MBTPS1: variants seen among roughly 807,000 people sequenced by gnomAD.
MBTPS1 encodes the protein membrane bound transcription factor peptidase, site 1.
In MBTPS1, 94 loss-of-function variants were observed where a neutral mutation model predicts 127.8. The ratio of observed to expected loss-of-function variants is 0.74; its 90% confidence interval spans 0.62 to 0.87. MBTPS1 has a LOEUF of 0.87. Among genes scored for constraint, MBTPS1 ranks in the 40% least tolerant of loss-of-function variants. The pLI, the probability that MBTPS1 is intolerant of heterozygous loss-of-function variation, is 0.00. For missense variants in MBTPS1, 1,636 were observed against 1,353.2 expected, an observed-to-expected ratio of 1.21 and a Z score of -3.28; for synonymous variants, 632 against 509.4, an observed-to-expected ratio of 1.24 and a Z score of -3.24.
chr16:84,054,712 G>T, intron 22 of MBTPS1, 67 bp from the exon 23 acceptor site: 1 of 1,272,084 alleles, frequency 7.9e-7, no homozygotes, highest in South Asian at 1.5e-5. Flanking sequence ...CTTTTTCTAT[G>T]ACGGCTGGAT....
intron 8 of MBTPS1, among the ~76,000 whole-genome samples, chr16:84,087,978 T>C (rs1037523229): frequency 1.2e-4 from 19 of 152,148 alleles, no homozygotes; most frequent in Non-Finnish European, 7.3e-5. Flanking sequence ...TGTGGTGGTG[T>C]TCTACCCTCC....
chr16:84,093,043 G>A (rs2086131155), intron 6 of MBTPS1, 145 bp downstream of exon 6: 2 of 656,814 alleles, frequency 3.0e-6, no homozygotes, highest in Non-Finnish European at 5.5e-6. Context: ...CAGAGGAACA[G>A]TAAACTGAGC....
chr16:84,098,939 G>T, intron 3 of MBTPS1, 114 bp downstream of exon 3: 1 of 1,082,844 alleles, frequency 9.2e-7, no homozygotes, highest in Non-Finnish European at 1.3e-6. Context: ...TTCACAATTA[G>T]CAAACTAGAT....
rs1175853629 is a variant in MBTPS1, at chr16:84,070,619, A to T, written c.1751T>A (p.Met584Lys). The change falls in exon 13 of 23, where the codon ATG becomes AAG. Residue 584 changes from methionine to lysine, a missense_variant. Met to Lys is a moderately conservative substitution (Grantham distance 95). Transcript: ENST00000343411. ...CTCTGCTGGGGAAGCCACAGTGATC[A>T]TGACATGGCCCTGAGCAATGCCTTC... Reference protein sequence around the residue: ...SWEGIAQGHVMITVASPAETE... With the variant: ...SWEGIAQGHVKITVASPAETE... 1 of 1,612,876 alleles carries T rather than the reference A, an allele frequency of 6.2e-7. No individual in the cohort carries two copies. The highest frequency in any genetic ancestry group is 1.3e-5 in the African/African-American group (1 of 74,880).
chr16:84,069,192 G>C (rs146491874), intron 14 of MBTPS1, among the ~76,000 whole-genome samples: 33 of 152,342 alleles, frequency 2.2e-4, no homozygotes, highest in African/African-American at 7.7e-4. Flanking sequence ...TCAGCATGGA[G>C]TTCAAACGTA....
chr16:84,106,086 G>C (rs1423909187), intron 1 of MBTPS1, among the ~76,000 whole-genome samples: 1 of 152,134 alleles, frequency 6.6e-6, no homozygotes, highest in Non-Finnish European at 1.5e-5. Context: ...CCTGAGGCCA[G>C]GAATTCGAGA....
In MBTPS1 at chr16:84,095,685, G is replaced by C. The variant is rs372274953; in HGVS notation, c.542C>G (p.Ser181Trp). 69 of 1,614,118 alleles carry C rather than the reference G, an allele frequency of 4.3e-5. No individual in the cohort carries two copies. Among genetic ancestry groups the C allele is most frequent in the Non-Finnish European group, 5.3e-5 (63 of 1,180,050 alleles). Residue 181 changes from serine (S) to tryptophan (W), a missense_variant, in exon 4 of 23, where the codon TCG becomes TGG. Coordinates refer to ENST00000343411, the MANE Select transcript of MBTPS1 (RefSeq NM_003791.4). ...SGFWHATGRHSSRRLLRAIPR... is the reference protein window; with the variant it reads ...SGFWHATGRHWSRRLLRAIPR... ...GATGGCTCTCAGCAGCCGTCTGCTC[G>C]AATGCCTTCCCGTAGCATGCCAGAA...
chr16:84,081,266 G>A (rs1027070772), intron 11 of MBTPS1, among the ~76,000 whole-genome samples: 2 of 152,250 alleles, frequency 1.3e-5, no homozygotes, highest in Admixed American at 6.5e-5. Context: ...AAACAAAGCA[G>A]GGCCCAGGCC....
Position 84,093,188 on chromosome 16 carries a change from C to G in MBTPS1, c.846G>C (p.Gln282His). Residue 282 changes from glutamine (Q) to histidine (H), a missense_variant and splice_region_variant, in exon 6 of 23, where the codon CAG becomes CAC. Transcript: ENST00000343411. ...LHIFRVFTNN[Q>H]VSYTSWFLDA... The stretch of plus-strand genomic sequence containing the variant: ...TTTCAGGAGTCCTCAAAACACCTAC[C>G]TGATTATTGGTAAAGACCCTGAAAA... 6.2e-7 allele frequency: 1 copy of G among 1,602,220 alleles called. No individual in the cohort carries two copies. Among genetic ancestry groups the G allele is most frequent in the Non-Finnish European group, 8.6e-7 (1 of 1,169,160 alleles).
At chr16:84,081,658 G>A in intron 11 of MBTPS1, 89 bp downstream of exon 11, 1 of 1,068,882 alleles carries the variant, frequency 9.4e-7, no homozygotes, top group Middle Eastern at 2.7e-4. Flanking sequence ...ATCATTTTCT[G>A]TTTTGAGGCT....
chr16:84,071,258 C>A (rs576549575), intron 12 of MBTPS1, among the ~76,000 whole-genome samples: 2 of 152,180 alleles, frequency 1.3e-5, no homozygotes, highest in African/African-American at 4.8e-5. Flanking sequence ...GGCTCAGCTG[C>A]GAGATGACCA....
intron 12 of MBTPS1, among the ~76,000 whole-genome samples, 153 bp from the exon 13 acceptor site, chr16:84,070,929 C>T (rs2085761599): frequency 6.6e-6 from 1 of 152,214 alleles, no homozygotes; most frequent in African/African-American, 2.4e-5. Context: ...TACTAAGTAA[C>T]TACAACCAAA....
At chr16:84,086,835 T>C (rs545019658) in intron 9 of MBTPS1, among the ~76,000 whole-genome samples, 11 of 152,354 alleles carry the variant, frequency 7.2e-5, no homozygotes, top group Admixed American at 2.6e-4. Flanking sequence ...GTGAATGTGC[T>C]GCATAATTAA....
chr16:84,109,200 C>A (rs1400137205), intron 1 of MBTPS1, among the ~76,000 whole-genome samples: 2 of 152,190 alleles, frequency 1.3e-5, no homozygotes, highest in Non-Finnish European at 2.9e-5. Context: ...CAGTGTCACT[C>A]AATGAGGAAA....
intron 18 of MBTPS1, among the ~76,000 whole-genome samples, chr16:84,064,080 G>C (rs1315774244): frequency 6.6e-6 from 1 of 152,108 alleles, no homozygotes; most frequent in African/African-American, 2.4e-5. Flanking sequence ...AGTCAAAAAT[G>C]TATAAATGCC....
chr16:84,092,987 G>A (rs532205561), intron 6 of MBTPS1, among the ~76,000 whole-genome samples: 1 of 152,322 alleles, frequency 6.6e-6, no homozygotes, highest in South Asian at 2.1e-4. Flanking sequence ...GTTCAACTTA[G>A]GTCGACACAG....
chr16:84,077,639 A>G (rs2151153571), intron 11 of MBTPS1, among the ~76,000 whole-genome samples: 1 of 152,334 alleles, frequency 6.6e-6, no homozygotes, highest in East Asian at 1.9e-4. Flanking sequence ...AAGCAAACAA[A>G]TATTAGAAGA....
chr16:84,060,833 G>A lies in MBTPS1; in HGVS notation c.2573-20C>T. On this transcript the variant is annotated intron_variant, in intron 19 of 22. Transcript: ENST00000343411. The stretch of plus-strand genomic sequence containing the variant: ...AGCAGTCTGCGAAGTCAACAAGCCT[G>A]TTTAGGAATTCCTTTTTTTTTTTCC... The A allele has an allele frequency of 6.5e-7, 1 of 1,543,740 alleles. No individual in the cohort carries two copies. The highest frequency in any genetic ancestry group is 8.7e-7 in the Non-Finnish European group (1 of 1,143,040).
At chr16:84,085,450 C>A (rs948656583) in intron 9 of MBTPS1, among the ~76,000 whole-genome samples, 1 of 151,848 alleles carries the variant, frequency 6.6e-6, no homozygotes, top group Non-Finnish European at 1.5e-5. Context: ...AGCCTGTAGT[C>A]CCGGCTACTC....
Sources: allele counts gnomAD v4.1 joint callset (sites outside exome capture counted in the v4.1 genomes callset), GRCh38; gene constraint gnomAD v4.1.1; transcripts MANE v1.5; gene names NCBI Gene and HGNC (gene_info 2026-07-23, HGNC 2026-07-21).